ENOX1: variants seen among roughly 807,000 people sequenced by gnomAD.
ENOX1 encodes candidate growth-related and time keeping constitutive hydroquinone (NADH) oxidase.
In ENOX1, 42 loss-of-function variants were observed where a neutral mutation model predicts 82.5. The ratio of observed to expected loss-of-function variants is 0.51; its 90% CI spans 0.40 to 0.66. ENOX1 has a LOEUF of 0.66. ENOX1 is among the 30% of genes least tolerant of loss of function. The pLI is 0.00. For missense variants in ENOX1, 608 were observed against 811.6 expected (o/e 0.75, Z 3.05); for synonymous variants, 271 against 282.2 (o/e 0.96, Z 0.40).
chr13:43,375,798 C>T (rs1178889539), intron 5 of ENOX1, among the ~76,000 whole-genome samples: 1 of 152,178 alleles, frequency 6.6e-6, no homozygotes, highest in Non-Finnish European at 1.5e-5. Context: ...AGTCATTTTT[C>T]CTGCATTTAT....
At chr13:43,480,862 C>A (rs1248467769) in intron 3 of ENOX1, among the ~76,000 whole-genome samples, 2 of 152,114 alleles carry the variant, frequency 1.3e-5, no homozygotes, top group East Asian at 3.9e-4. Flanking sequence ...AGTTAGCAAT[C>A]TTCCAACAAA....
In ENOX1 at chr13:43,361,441, C is replaced by T; in HGVS notation, c.220G>A (p.Val74Ile). The change falls in exon 6 of 17, where the codon GTC becomes ATC. Residue 74 changes from valine (V) to isoleucine (I), a missense_variant. Coordinates refer to ENST00000690772, the MANE Select transcript of ENOX1 (RefSeq NM_001347969.2). ...TTGAGGCTTGGATCAAAGCCTGGGA[C>T]ACAGATTGAGTCTGTAAAGTATACA... Reference protein sequence around the residue: ...GQQLVSDSICVPGFDPSLNMM... With the variant: ...GQQLVSDSICIPGFDPSLNMM... 4 of 1,611,516 alleles carry T rather than the reference C, an allele frequency of 2.5e-6. No individual in the cohort carries two copies. The highest frequency in any genetic ancestry group is 3.4e-6 in the Non-Finnish European group (4 of 1,179,434).
At chr13:43,335,772 AAAAAAAAAAAAG>A in intron 9 of ENOX1, among the ~76,000 whole-genome samples, 1 of 148,356 alleles carries the variant, frequency 6.7e-6, no homozygotes, top group Non-Finnish European at 1.5e-5. Flanking sequence ...GGATACCAAA[AAAAAAAAAAAAG>A]AAAAGAAAAA....
chr13:43,659,821 C>G (rs2084632864), intron 2 of ENOX1, among the ~76,000 whole-genome samples: 1 of 152,114 alleles, frequency 6.6e-6, no homozygotes, highest in South Asian at 2.1e-4. Flanking sequence ...TCCTTAGCTG[C>G]CTGTAGGCTA....
At chr13:43,413,390 T>C (rs1264816545) in intron 3 of ENOX1, among the ~76,000 whole-genome samples, 1 of 152,076 alleles carries the variant, frequency 6.6e-6, no homozygotes, top group African/African-American at 2.4e-5. Context: ...AAAAAATTAA[T>C]TGATGCTGTT....
chr13:43,745,532 T>TA (rs1949977891), intron 1 of ENOX1, among the ~76,000 whole-genome samples: 1 of 152,202 alleles, frequency 6.6e-6, no homozygotes, highest in South Asian at 2.1e-4. Flanking sequence ...AAAAGGCAAT[T>TA]AGAGTATATG....
At chr13:43,446,061 C>T (rs763152696) in intron 3 of ENOX1, among the ~76,000 whole-genome samples, 21 of 152,246 alleles carry the variant, frequency 1.4e-4, no homozygotes, top group Non-Finnish European at 2.8e-4. Context: ...AAATGCCAAC[C>T]CACAAGAAAA....
chr13:43,277,605 G>A (rs1177050133), intron 12 of ENOX1, among the ~76,000 whole-genome samples: 1 of 152,210 alleles, frequency 6.6e-6, no homozygotes, highest in Non-Finnish European at 1.5e-5. Flanking sequence ...TAAGGCATGA[G>A]CTGAAGGATG....
chr13:43,616,182 CTATCTA>C (rs1401994964), intron 2 of ENOX1, among the ~76,000 whole-genome samples: 4 of 6,254 alleles, frequency 6.4e-4, no homozygotes, highest in African/African-American at 1.3e-3. Flanking sequence ...ATCTATCTAT[CTATCTA>C]TATATATATA....
At chr13:43,421,991 A>T (rs567803131) in intron 3 of ENOX1, among the ~76,000 whole-genome samples, 52 of 151,878 alleles carry the variant, frequency 3.4e-4, no homozygotes, top group African/African-American at 1.3e-3. Context: ...TAAAGGAACC[A>T]AGAAAAAAAA....
intron 5 of ENOX1, among the ~76,000 whole-genome samples, chr13:43,386,107 A>G (rs1220944809): frequency 6.6e-6 from 1 of 152,186 alleles, no homozygotes; most frequent in Admixed American, 6.5e-5. Flanking sequence ...TGGAGGATGC[A>G]GTGAGCTGAG....
intron 3 of ENOX1, among the ~76,000 whole-genome samples, chr13:43,413,793 A>G (rs1477181263): frequency 6.7e-6 from 1 of 149,830 alleles, no homozygotes; most frequent in Non-Finnish European, 1.5e-5. Context: ...TTAAAGTTAC[A>G]AAGTTCTTCT....
intron 14 of ENOX1, among the ~76,000 whole-genome samples, chr13:43,242,382 C>T (rs1022313633): frequency 6.6e-6 from 1 of 152,248 alleles, no homozygotes; most frequent in Non-Finnish European, 1.5e-5. Flanking sequence ...AGCTTTGGCC[C>T]TTGCCAAAGT....
chr13:43,339,120 G>A (rs192863032), intron 9 of ENOX1, among the ~76,000 whole-genome samples: 75 of 152,278 alleles, frequency 4.9e-4, no homozygotes, highest in African/African-American at 1.7e-3. Context: ...TCATAAATAC[G>A]GGCAGAACTA....
At chr13:43,532,604 A>T (rs1350953554) in intron 2 of ENOX1, among the ~76,000 whole-genome samples, 1 of 152,118 alleles carries the variant, frequency 6.6e-6, no homozygotes, top group Non-Finnish European at 1.5e-5. Context: ...TTATCTGAAG[A>T]AATTATTAAA....
At chr13:43,355,591 G>A (rs1255484462) in intron 8 of ENOX1, among the ~76,000 whole-genome samples, 1 of 152,136 alleles carries the variant, frequency 6.6e-6, no homozygotes, top group Non-Finnish European at 1.5e-5. Context: ...GCCTGCTTTG[G>A]GGACCTTTCT....
chr13:43,665,002 G>GC (rs1273490470), intron 2 of ENOX1, among the ~76,000 whole-genome samples: 1 of 152,178 alleles, frequency 6.6e-6, no homozygotes, highest in East Asian at 1.9e-4. Flanking sequence ...TCTCCTGCGG[G>GC]GCTGGAAAAG....
At chr13:43,518,783 T>A (rs2077652588) in intron 2 of ENOX1, among the ~76,000 whole-genome samples, 1 of 152,228 alleles carries the variant, frequency 6.6e-6, no homozygotes, top group Admixed American at 6.5e-5. Context: ...ACACTCTGAA[T>A]TGAATATCCT....
chr13:43,298,384 G>A lies in ENOX1; in HGVS notation c.1408C>T (p.Leu470=). 6.2e-7 allele frequency: 1 copy of A among 1,612,662 alleles called. No homozygotes were observed. Among genetic ancestry groups the A allele is most frequent in the Non-Finnish European group, 8.5e-7 (1 of 1,179,744 alleles). The change falls in exon 12 of 17, where the codon CTG becomes TTG. Residue 470 remains leucine, a synonymous_variant. Transcript: ENST00000690772. ...TGCATGGTTTGCTGCAGAAACTGCAGTTGCTGGTCCTTGGTGAGGTTTTCT... is the reference window on the plus strand; with the variant it reads ...TGCATGGTTTGCTGCAGAAACTGCAATTGCTGGTCCTTGGTGAGGTTTTCT... The part of the protein sequence containing the change: ...TEENLTKDQQ[L]QFLQQTMQGM...
Sources: allele counts gnomAD v4.1 joint callset (sites outside exome capture counted in the v4.1 genomes callset), GRCh38; gene constraint gnomAD v4.1.1; transcripts MANE v1.5; gene names NCBI Gene and HGNC (gene_info 2026-07-23, HGNC 2026-07-21).